Variants in SLC9A9 observed in about 807,000 individuals in gnomAD.
SLC9A9 encodes the protein solute carrier family 9 member A9.
SLC9A9 carries 62 observed loss-of-function variants against 77.8 expected under a neutral mutation model. The observed-to-expected ratio is 0.80, with a 90% CI of 0.65 to 0.98. The LOEUF is 0.98. Among genes scored for constraint, SLC9A9 ranks in the 50% least tolerant of loss-of-function variants. The pLI is 0.00. For synonymous variants in SLC9A9, 320 were observed against 283.5 expected (o/e 1.13, Z -1.29); for missense variants, 775 against 774.9 (o/e 1.00, Z 0.00).
intron 6 of SLC9A9, among the ~76,000 whole-genome samples, chr3:143,651,737 G>T (rs1166241315): frequency 6.6e-6 from 1 of 152,158 alleles, no homozygotes; most frequent in Non-Finnish European, 1.5e-5. Context: ...TTGCACTGGT[G>T]CTGAGCTGAA....
At chr3:143,730,496 C>A (rs921671806) in intron 4 of SLC9A9, among the ~76,000 whole-genome samples, 2 of 152,182 alleles carry the variant, frequency 1.3e-5, no homozygotes, top group African/African-American at 2.4e-5. Context: ...CCTAGAACAT[C>A]CTTTCTTCTG....
chr3:143,801,860 C>T (rs1367640208), intron 2 of SLC9A9, among the ~76,000 whole-genome samples: 1 of 152,336 alleles, frequency 6.6e-6, no homozygotes, highest in South Asian at 2.1e-4. Context: ...ACATCCTGCA[C>T]CACCATGCTG....
intron 9 of SLC9A9, among the ~76,000 whole-genome samples, chr3:143,515,077 A>G (rs2036183541): frequency 6.6e-6 from 1 of 152,114 alleles, no homozygotes; most frequent in Non-Finnish European, 1.5e-5. Flanking sequence ...AGGCTATTTT[A>G]AGGTGATTGG....
intron 4 of SLC9A9, among the ~76,000 whole-genome samples, chr3:143,708,185 C>T (rs964028490): frequency 1.3e-5 from 2 of 152,142 alleles, no homozygotes; most frequent in African/African-American, 2.4e-5. Context: ...GAACTTGACT[C>T]GGCATCCTGA....
chr3:143,645,673 C>T (rs907152936), intron 6 of SLC9A9, among the ~76,000 whole-genome samples: 3 of 152,156 alleles, frequency 2.0e-5, no homozygotes, highest in African/African-American at 7.2e-5. Context: ...CTCAAAGTGC[C>T]AAGCGTTCAC....
chr3:143,826,259 G>GAAAA (rs796267230), intron 2 of SLC9A9, among the ~76,000 whole-genome samples: 3 of 148,786 alleles, frequency 2.0e-5, no homozygotes, highest in African/African-American at 5.0e-5. Flanking sequence ...ACTCTGTCTT[G>GAAAA]AAAAAAAAAA....
At chr3:143,296,669 T>C (rs1206728722) in intron 14 of SLC9A9, among the ~76,000 whole-genome samples, 2 of 152,212 alleles carry the variant, frequency 1.3e-5, no homozygotes, top group African/African-American at 2.4e-5. Context: ...AGGGTTACAA[T>C]TTTTCCACAT....
intron 4 of SLC9A9, among the ~76,000 whole-genome samples, chr3:143,704,354 G>A (rs139975810): frequency 3.9e-5 from 6 of 151,972 alleles, no homozygotes; most frequent in East Asian, 3.9e-4. Flanking sequence ...ATTCAATAAC[G>A]CACTGAAAAC....
intron 12 of SLC9A9, among the ~76,000 whole-genome samples, chr3:143,400,550 G>A (rs1235329609): frequency 5.3e-5 from 8 of 152,024 alleles, no homozygotes; most frequent in Admixed American, 5.2e-4. Flanking sequence ...GCTGGCAGGT[G>A]GGTGAGGGAT....
intron 11 of SLC9A9, among the ~76,000 whole-genome samples, chr3:143,471,610 A>G (rs1464925614): frequency 6.6e-6 from 1 of 152,140 alleles, no homozygotes; most frequent in African/African-American, 2.4e-5. Flanking sequence ...TGTGTTTTGT[A>G]TTGTTTTATG....
chr3:143,843,797 G>A (rs1434828776), intron 1 of SLC9A9, among the ~76,000 whole-genome samples: 2 of 152,134 alleles, frequency 1.3e-5, no homozygotes, highest in African/African-American at 2.4e-5. Flanking sequence ...GGGGATACAG[G>A]CCCTAAGTGA....
intron 6 of SLC9A9, among the ~76,000 whole-genome samples, chr3:143,651,923 A>G (rs561288807): frequency 2.0e-5 from 3 of 152,364 alleles, no homozygotes; most frequent in African/African-American, 4.8e-5. Flanking sequence ...AGTGACTTAT[A>G]TAAGGCGAAA....
intron 12 of SLC9A9, among the ~76,000 whole-genome samples, chr3:143,409,105 C>T (rs1559903250): frequency 6.6e-6 from 1 of 152,182 alleles, no homozygotes; most frequent in Admixed American, 6.5e-5. Flanking sequence ...CTTTCTTTTC[C>T]TGGAGCATGA....
rs11714060 is a variant in SLC9A9, at chr3:143,848,365, A to G, written c.-43T>C. 0.97 allele frequency: 1,561,717 copies of G among 1,613,342 alleles called. 756,342 individuals carry two copies. The highest frequency in any genetic ancestry group is 1 in the East Asian group (44,862 of 44,866). On this transcript the variant is annotated 5_prime_UTR_variant, in exon 1 of 16. Coordinates refer to ENST00000316549, the MANE Select transcript of SLC9A9 (RefSeq NM_173653.4). ...ATTCCTTAGATAAAAACCTGGATAA[A>G]GGCTATTTTATCAAGATTTGCCTAA...
intron 14 of SLC9A9, among the ~76,000 whole-genome samples, chr3:143,309,622 G>A (rs569421064): frequency 1.3e-5 from 2 of 152,094 alleles, no homozygotes; most frequent in Non-Finnish European, 1.5e-5. Context: ...CTGTACTCTA[G>A]GGTGAATTCG....
intron 9 of SLC9A9, among the ~76,000 whole-genome samples, chr3:143,542,008 T>G (rs1043128387): frequency 1.3e-5 from 2 of 152,206 alleles, no homozygotes; most frequent in African/African-American, 4.8e-5. Flanking sequence ...GTGCCAAATA[T>G]TTATCTGTGG....
At chr3:143,824,440 G>A (rs995270658) in intron 2 of SLC9A9, among the ~76,000 whole-genome samples, 1 of 152,104 alleles carries the variant, frequency 6.6e-6, no homozygotes, top group African/African-American at 2.4e-5. Context: ...ACTCAGCTCC[G>A]ATTCACCTCA....
intron 9 of SLC9A9, among the ~76,000 whole-genome samples, chr3:143,532,837 C>T (rs2036533022): frequency 2.0e-5 from 3 of 152,188 alleles, no homozygotes. Context: ...CCCAGGATCT[C>T]CCCTGTGATG....
At chr3:143,419,490 G>A (rs551106757) in intron 12 of SLC9A9, among the ~76,000 whole-genome samples, 1 of 152,008 alleles carries the variant, frequency 6.6e-6, no homozygotes, top group African/African-American at 2.4e-5. Flanking sequence ...TTTATAATAG[G>A]CCCCATCTAC....
Sources: allele counts gnomAD v4.1 joint callset (sites outside exome capture counted in the v4.1 genomes callset), GRCh38; gene constraint gnomAD v4.1.1; transcripts MANE v1.5; gene names NCBI Gene and HGNC (gene_info 2026-07-23, HGNC 2026-07-21).